The following PAK5 variants were observed in gnomAD, a reference collection of about 807,000 sequenced individuals.
PAK5 encodes p21 (RAC1) activated kinase 5.
Under a neutral mutation model 65.9 loss-of-function variants are expected in PAK5, and 16 were observed. The ratio of observed to expected loss-of-function variants is 0.24; its 90% CI spans 0.16 to 0.37. The LOEUF (loss-of-function observed/expected upper bound fraction) is 0.37, where lower values mean the gene tolerates loss of function less well. Ranked by LOEUF, PAK5 falls within the 10% of genes least tolerant of loss-of-function variation. PAK5 has a pLI of 1.00. For missense variants in PAK5, 785 were observed against 903.9 expected, an observed-to-expected ratio of 0.87 and a Z score of 1.69; for synonymous variants, 371 against 354.9, an observed-to-expected ratio of 1.05 and a Z score of -0.51.
chr20:9,601,886 C>T (rs574789314), intron 3 of PAK5, among the ~76,000 whole-genome samples: 1 of 152,248 alleles, frequency 6.6e-6, no homozygotes. Flanking sequence ...ACCTGAACCT[C>T]AAAGCAGAGT....
At position 9,696,654 on chromosome 20, in the gene PAK5, G is replaced by C. The variant is rs529776464; in HGVS notation, c.-12+14632C>G. Among the ~76,000 whole-genome samples, 3 of 152,178 alleles carry C rather than the reference G, an allele frequency of 2.0e-5. No homozygotes were observed. The South Asian group carries it at 6.2e-4, about 32-fold the overall frequency. ...CATCTATTACATTTGCAGAAGCAAA[G>C]ACTTGGACCCACACAGTAATAATCA... On this transcript the variant is annotated intron_variant, in intron 2 of 9. Transcript: ENST00000353224.
intron 1 of PAK5, among the ~76,000 whole-genome samples, chr20:9,809,830 T>C (rs773211416): frequency 2.4e-4 from 36 of 152,170 alleles, no homozygotes; most frequent in Admixed American, 1.4e-3. Context: ...CTTCGGAGAA[T>C]ACTACTTGAA....
intron 1 of PAK5, among the ~76,000 whole-genome samples, chr20:9,836,489 G>A (rs1225818976): frequency 6.6e-6 from 1 of 152,174 alleles, no homozygotes; most frequent in Admixed American, 6.5e-5. Flanking sequence ...ACAAACCAGG[G>A]AATGCCTGGG....
At chr20:9,791,327 C>G (rs1270299539) in intron 1 of PAK5, among the ~76,000 whole-genome samples, 1 of 152,096 alleles carries the variant, frequency 6.6e-6, no homozygotes, top group Non-Finnish European at 1.5e-5. Flanking sequence ...CAAATATGTT[C>G]CACCTTCTCT....
chr20:9,705,381 C>T (rs1444361922), intron 2 of PAK5, among the ~76,000 whole-genome samples: 1 of 152,122 alleles, frequency 6.6e-6, no homozygotes, highest in Non-Finnish European at 1.5e-5. Context: ...CCATTTCACA[C>T]TCAATTGATT....
At chr20:9,829,471 T>C (rs2123786429) in intron 1 of PAK5, among the ~76,000 whole-genome samples, 1 of 152,370 alleles carries the variant, frequency 6.6e-6, no homozygotes, top group East Asian at 1.9e-4. Flanking sequence ...TATGGTGTTC[T>C]TATGAAGACT....
intron 1 of PAK5, among the ~76,000 whole-genome samples, chr20:9,721,696 G>A (rs2048217117): frequency 1.4e-5 from 2 of 145,806 alleles, no homozygotes; most frequent in South Asian, 4.4e-4. Context: ...TGTAGCCAGT[G>A]AGCACAAAGC....
chr20:9,725,071 A>G (rs1042712260), intron 1 of PAK5, among the ~76,000 whole-genome samples: 1 of 152,102 alleles, frequency 6.6e-6, no homozygotes, highest in Non-Finnish European at 1.5e-5. Context: ...TTTTTAAAAT[A>G]AAATGGAACA....
At position 9,638,354 on chromosome 20, in the gene PAK5, T is replaced by C. The variant is rs141178028; in HGVS notation, c.204+5771A>G. Among the ~76,000 whole-genome samples the C allele has an allele frequency of 3.0e-3, 455 of 152,350 alleles. 1 individual carries two copies. Among genetic ancestry groups the C allele is most frequent in the Non-Finnish European group, 5.6e-3 (382 of 68,038 alleles). On this transcript the variant is annotated intron_variant, in intron 3 of 9. Transcript: ENST00000353224. ...TCAGGTTATCTTGGCTAGCCCTACA[T>C]GGCCTACATGGCTAGCCCAAAAGTT...
chr20:9,739,243 A>T lies in PAK5; in HGVS notation c.-161-27808T>A, dbSNP rs111258959. 1.2e-4 allele frequency among the ~76,000 whole-genome samples: 10 copies of T among 81,798 alleles called. No individual in the cohort carries two copies. The East Asian group carries it at 1.7e-3, about 14-fold the overall frequency. The allele number at this position is 81,798 out of a possible 152,430, so 53.7% of individuals were successfully genotyped here. A position where few individuals can be genotyped will look rare whatever the true frequency, so the allele number is the denominator to read the frequency against. ...TCTTTGCTTTCTTTTTTTTTTTTTTAAATCACAGCTTGAAACCATTTTCTA... is the reference window on the plus strand; with the variant it reads ...TCTTTGCTTTCTTTTTTTTTTTTTTTAATCACAGCTTGAAACCATTTTCTA... On this transcript the variant is annotated intron_variant, in intron 1 of 9. Transcript: ENST00000353224.
At chr20:9,676,319 A>G (rs1264322425) in intron 2 of PAK5, among the ~76,000 whole-genome samples, 4 of 151,872 alleles carry the variant, frequency 2.6e-5, no homozygotes, top group Non-Finnish European at 4.4e-5. Flanking sequence ...TGCTTTAGGC[A>G]ATATATGAAT....
At chr20:9,626,654 C>T (rs1026705892) in intron 3 of PAK5, among the ~76,000 whole-genome samples, 5 of 152,188 alleles carry the variant, frequency 3.3e-5, no homozygotes, top group Middle Eastern at 3.2e-3. Flanking sequence ...CAGGCCTGCA[C>T]ATTTCACCAG....
intron 3 of PAK5, among the ~76,000 whole-genome samples, chr20:9,609,313 C>T (rs891205565): frequency 6.6e-6 from 1 of 152,204 alleles, no homozygotes; most frequent in African/African-American, 2.4e-5. Flanking sequence ...GCAGTTGCAA[C>T]CCCGTTTGTC....
Position 9,571,697 on chromosome 20 carries a change from A to G in PAK5, c.991-5313T>C, listed in dbSNP as rs117072348. 5.3e-3 allele frequency among the ~76,000 whole-genome samples: 804 copies of G among 152,294 alleles called. 7 individuals are homozygous for G. The highest frequency in any genetic ancestry group is 6.3e-3 in the Non-Finnish European group (426 of 68,020). On this transcript the variant is annotated intron_variant, in intron 4 of 9. Coordinates refer to ENST00000353224, the MANE Select transcript of PAK5 (RefSeq NM_177990.4). ...TTGCACGTAAACCTCAAGCTGGACAATTAAATAAGCTCTGTAATTCCTCCA... is the reference window on the plus strand; with the variant it reads ...TTGCACGTAAACCTCAAGCTGGACAGTTAAATAAGCTCTGTAATTCCTCCA...
intron 3 of PAK5, among the ~76,000 whole-genome samples, chr20:9,581,778 A>G (rs1036899283): frequency 2.6e-5 from 4 of 152,222 alleles, no homozygotes; most frequent in Non-Finnish European, 4.4e-5. Context: ...CCGTGCCTTG[A>G]CAATGACAGG....
At chr20:9,736,520 C>G (rs1180440951) in intron 1 of PAK5, among the ~76,000 whole-genome samples, 1 of 152,070 alleles carries the variant, frequency 6.6e-6, no homozygotes, top group Non-Finnish European at 1.5e-5. Flanking sequence ...TGACCTCAAG[C>G]CCAGTCATAA....
chr20:9,704,311 C>T (rs1439470959), intron 2 of PAK5, among the ~76,000 whole-genome samples: 2 of 152,130 alleles, frequency 1.3e-5, no homozygotes, highest in African/African-American at 2.4e-5. Context: ...GGCAATGAAC[C>T]ATCCTCAGCT....
chr20:9,803,395 C>T (rs1040271623), intron 1 of PAK5, among the ~76,000 whole-genome samples: 1 of 152,084 alleles, frequency 6.6e-6, no homozygotes, highest in Non-Finnish European at 1.5e-5. Context: ...AAAGGGCAAT[C>T]CTCTACCAAA....
chr20:9,818,756 T>C (rs892668904), intron 1 of PAK5: 2 of 152,154 alleles, frequency 1.3e-5, no homozygotes, highest in African/African-American at 4.8e-5. Flanking sequence ...GGCTTCTAAG[T>C]TTTCCACTTT....
Sources: gnomAD v4.1 joint callset for allele counts (sites outside exome capture counted in the v4.1 genomes callset) on GRCh38, gnomAD v4.1.1 for gene constraint, MANE v1.5 for transcripts, NCBI Gene and HGNC (gene_info 2026-07-23, HGNC 2026-07-21) for gene names.